The following SATB2 variants were observed in gnomAD, a reference collection of about 807,000 sequenced individuals.
SATB2 encodes the protein SATB homeobox 2, also known as DNA-binding protein SATB2.
A neutral mutation model predicts 73.4 loss-of-function variants in SATB2; 1 was observed. That is an observed-to-expected ratio of 0.01 (90% CI 0.00 to 0.06). SATB2 has a LOEUF of 0.06. Ranked by LOEUF, SATB2 falls within the 10% of genes least tolerant of loss-of-function variation. The pLI is 1.00. For missense variants in SATB2, 459 were observed against 945.8 expected (o/e 0.49, Z 6.75); for synonymous variants, 397 against 367.0 (o/e 1.08, Z -0.93).
intron 3 of SATB2, among the ~76,000 whole-genome samples, chr2:199,384,444 G>A (rs1308147160): frequency 6.6e-6 from 1 of 152,226 alleles, no homozygotes; most frequent in Non-Finnish European, 1.5e-5. Context: ...ACTCCAGCCA[G>A]GTAGAGGCTT....
intron 2 of SATB2, among the ~76,000 whole-genome samples, chr2:199,433,772 A>T (rs773310187): frequency 5.9e-5 from 9 of 152,108 alleles, no homozygotes; most frequent in Non-Finnish European, 1.0e-4. Flanking sequence ...CCTGGTACAT[A>T]GGTGAGATGA....
chr2:199,420,630 A>T (rs761331199), intron 3 of SATB2, among the ~76,000 whole-genome samples: 4 of 152,182 alleles, frequency 2.6e-5, no homozygotes, highest in Non-Finnish European at 5.9e-5. Context: ...ATATCTGCCA[A>T]GAGACTCAGA....
At chr2:199,397,178 T>C (rs931802838) in intron 3 of SATB2, among the ~76,000 whole-genome samples, 13 of 152,202 alleles carry the variant, frequency 8.5e-5, no homozygotes, top group African/African-American at 2.4e-4. Context: ...TTTGTGAAGA[T>C]ACGCTACACA....
chr2:199,420,371 T>A lies in SATB2; in HGVS notation c.346+12967A>T, dbSNP rs187773447. Among the ~76,000 whole-genome samples, 48 of 152,288 alleles carry A rather than the reference T, an allele frequency of 3.2e-4. 1 individual carries two copies. Among genetic ancestry groups the A allele is most frequent in the Non-Finnish European group, 5.4e-4 (37 of 68,010 alleles). ...TCTTGTTTTTAGGACTAAATGGACA[T>A]AAGAATCTAGTGAGACTATGTCTTA... On this transcript the variant is annotated intron_variant, in intron 3 of 10. Transcript: ENST00000417098.
At chr2:199,384,598 G>A (rs1689873964) in intron 3 of SATB2, among the ~76,000 whole-genome samples, 1 of 152,232 alleles carries the variant, frequency 6.6e-6, no homozygotes, top group Admixed American at 6.5e-5. Flanking sequence ...TAGTAGTCAA[G>A]TGTTAATTGA....
intron 5 of SATB2, 87 bp downstream of exon 5, chr2:199,380,277 A>G: frequency 6.7e-7 from 1 of 1,488,690 alleles, no homozygotes; most frequent in South Asian, 1.1e-5. Flanking sequence ...GACAGAGAAG[A>G]CAGTTGTTTA....
chr2:199,428,348 A>G (rs1379456933), intron 3 of SATB2, among the ~76,000 whole-genome samples: 1 of 152,250 alleles, frequency 6.6e-6, no homozygotes, highest in Non-Finnish European at 1.5e-5. Flanking sequence ...GAAATGAAAT[A>G]TATAAACATC....
intron 7 of SATB2, among the ~76,000 whole-genome samples, chr2:199,337,155 A>G (rs1461920578): frequency 6.6e-6 from 1 of 152,212 alleles, no homozygotes; most frequent in Non-Finnish European, 1.5e-5. Context: ...TAGAGAAGGC[A>G]GAAAATATAA....
At chr2:199,446,240 C>T (rs1174286942) in intron 2 of SATB2, among the ~76,000 whole-genome samples, 1 of 151,958 alleles carries the variant, frequency 6.6e-6, no homozygotes, top group Non-Finnish European at 1.5e-5. Flanking sequence ...AAAATTTTAC[C>T]ACAGGGTTTT....
At chr2:199,432,773 G>A (rs998419608) in intron 3 of SATB2, among the ~76,000 whole-genome samples, 5 of 152,064 alleles carry the variant, frequency 3.3e-5, no homozygotes, top group African/African-American at 9.7e-5. Flanking sequence ...TGTACAATAC[G>A]CACTGAAATA....
chr2:199,419,735 A>G (rs960851866), intron 3 of SATB2, among the ~76,000 whole-genome samples: 7 of 152,314 alleles, frequency 4.6e-5, no homozygotes, highest in African/African-American at 1.7e-4. Flanking sequence ...GTTTCATGTC[A>G]TAGGTATTTC....
chr2:199,427,641 G>C (rs1691376123), intron 3 of SATB2, among the ~76,000 whole-genome samples: 2 of 151,768 alleles, frequency 1.3e-5, no homozygotes, highest in Non-Finnish European at 2.9e-5. Flanking sequence ...AAAGAGACGA[G>C]ACAGGATTGG....
chr2:199,388,292 C>G (rs1339546404), intron 3 of SATB2, among the ~76,000 whole-genome samples: 1 of 152,118 alleles, frequency 6.6e-6, no homozygotes. Flanking sequence ...AATTATGGAG[C>G]TCACAATTGA....
At chr2:199,390,863 T>C (rs1260472701) in intron 3 of SATB2, among the ~76,000 whole-genome samples, 2 of 152,174 alleles carry the variant, frequency 1.3e-5, no homozygotes, top group African/African-American at 4.8e-5. Flanking sequence ...TCTAGAATTG[T>C]CCTCCAGGCA....
At chr2:199,386,710 GCGCGCGCACACA>G (rs1455954637) in intron 3 of SATB2, among the ~76,000 whole-genome samples, 1,401 of 90,470 alleles carry the variant, frequency 0.015, 12 homozygotes, top group African/African-American at 0.027. Context: ...GCGCGCGCGC[GCGCGCGCACACA>G]CACACACACA....
chr2:199,291,810 G>A (rs1348111173), intron 10 of SATB2, among the ~76,000 whole-genome samples: 1 of 152,004 alleles, frequency 6.6e-6, no homozygotes, highest in African/African-American at 2.4e-5. Context: ...TACTAGGGAG[G>A]CTGAGGCAGG....
upstream of SATB2, chr2:199,458,767 G>A (rs1433599382): frequency 7.5e-6 from 2 of 266,320 alleles, no homozygotes; most frequent in South Asian, 2.4e-5. Flanking sequence ...CACCGCCTCC[G>A]CCCACCACCC....
intron 6 of SATB2, among the ~76,000 whole-genome samples, chr2:199,366,511 C>G (rs1025568605): frequency 1.3e-5 from 2 of 152,072 alleles, no homozygotes; most frequent in Non-Finnish European, 2.9e-5. Flanking sequence ...TTATACCTGT[C>G]ATGAATTCTT....
intron 3 of SATB2, among the ~76,000 whole-genome samples, chr2:199,424,557 A>C (rs896263528): frequency 1.3e-5 from 2 of 152,210 alleles, no homozygotes; most frequent in African/African-American, 4.8e-5. Context: ...AAATATAATA[A>C]CACTGTATCA....
Sources: gnomAD v4.1 joint callset for allele counts (sites outside exome capture counted in the v4.1 genomes callset) on GRCh38, gnomAD v4.1.1 for gene constraint, MANE v1.5 for transcripts, NCBI Gene and HGNC (gene_info 2026-07-23, HGNC 2026-07-21) for gene names.